ELK3: variants seen among roughly 807,000 people sequenced by gnomAD.
The protein encoded by ELK3 is ETS domain-containing protein Elk-3.
Under a neutral mutation model 28.9 loss-of-function variants are expected in ELK3, and 10 were observed. The observed-to-expected ratio is 0.35, with a 90% CI of 0.21 to 0.59. The LOEUF is 0.59. ELK3 is among the 20% of genes least tolerant of loss of function. The pLI is 0.82. For missense variants in ELK3, 463 were observed against 517.3 expected (o/e 0.90, Z 1.02); for synonymous variants, 272 against 243.5 (o/e 1.12, Z -1.09).
At chr12:96,225,507 T>C (rs759106729) in intron 2 of ELK3, among the ~76,000 whole-genome samples, 1 of 152,246 alleles carries the variant, frequency 6.6e-6, no homozygotes, top group Non-Finnish European at 1.5e-5. Flanking sequence ...TCTGGCACTT[T>C]CTGTCAGACG....
chr12:96,227,176 C>T (rs902445961), intron 2 of ELK3, among the ~76,000 whole-genome samples: 1 of 152,014 alleles, frequency 6.6e-6, no homozygotes, highest in Non-Finnish European at 1.5e-5. Context: ...CTGCCCTGAA[C>T]CGCGTGCGTT....
intron 3 of ELK3, among the ~76,000 whole-genome samples, chr12:96,251,855 C>G (rs1951909655): frequency 6.6e-6 from 1 of 152,216 alleles, no homozygotes; most frequent in Non-Finnish European, 1.5e-5. Context: ...CATAAAAGTG[C>G]AAGGTGAAGC....
intron 3 of ELK3, 128 bp from the exon 4 acceptor site, chr12:96,259,603 T>C (rs1335811884): frequency 1.9e-6 from 2 of 1,073,550 alleles, no homozygotes; most frequent in Non-Finnish European, 2.6e-6. Flanking sequence ...ACGTTGCCAG[T>C]TTTCCTGAGA....
intron 1 of ELK3, among the ~76,000 whole-genome samples, chr12:96,199,480 CTGTGTGTG>C (rs10678770): frequency 5.5e-4 from 81 of 146,476 alleles, no homozygotes; most frequent in Middle Eastern, 3.4e-3. Context: ...ATAAAATTAG[CTGTGTGTG>C]TGTGTGTGTG....
chr12:96,197,666 A>G (rs903317347), intron 1 of ELK3, among the ~76,000 whole-genome samples: 1 of 152,230 alleles, frequency 6.6e-6, no homozygotes, highest in African/African-American at 2.4e-5. Context: ...ATCTTCATGC[A>G]CTTGGTACCA....
At position 96,219,465 on chromosome 12, in the gene ELK3, C is replaced by T. The variant is rs142996378; in HGVS notation, c.-2-4100C>T. ...GGGCAAAATTTCCAACTGGCAGAGGCGCAGTGGAATGTACAGTGTGATTGT... is the reference window on the plus strand; with the variant it reads ...GGGCAAAATTTCCAACTGGCAGAGGTGCAGTGGAATGTACAGTGTGATTGT... On this transcript the variant is annotated intron_variant, in intron 1 of 4. Coordinates refer to ENST00000228741, the MANE Select transcript of ELK3 (RefSeq NM_005230.4). Among the ~76,000 whole-genome samples, 575 of 152,212 alleles carry T rather than the reference C, an allele frequency of 3.8e-3. 5 individuals carry two copies. The highest frequency in any genetic ancestry group is 4.5e-3 in the Non-Finnish European group (305 of 68,014).
intron 1 of ELK3, among the ~76,000 whole-genome samples, chr12:96,211,960 A>T (rs181246994): frequency 6.6e-6 from 1 of 152,366 alleles, no homozygotes; most frequent in East Asian, 1.9e-4. Context: ...GAATCTGCTT[A>T]GTATTTTTTC....
intron 2 of ELK3, among the ~76,000 whole-genome samples, chr12:96,238,032 G>C (rs948046549): frequency 6.6e-6 from 1 of 152,162 alleles, no homozygotes; most frequent in African/African-American, 2.4e-5. Flanking sequence ...TGGGAGCCTC[G>C]GGTCTCACAT....
At chr12:96,255,920 T>G (rs948511394) in intron 3 of ELK3, among the ~76,000 whole-genome samples, 2 of 152,162 alleles carry the variant, frequency 1.3e-5, no homozygotes, top group African/African-American at 2.4e-5. Context: ...CCTAGACCCC[T>G]AGGTAGGAAT....
chr12:96,241,274 A>AAGGT (rs1951818958), intron 2 of ELK3, among the ~76,000 whole-genome samples: 1 of 152,188 alleles, frequency 6.6e-6, no homozygotes, highest in Non-Finnish European at 1.5e-5. Flanking sequence ...CATCATCAAG[A>AAGGT]AGGTAAATCT....
At chr12:96,216,936 A>G (rs1592674297) in intron 1 of ELK3, among the ~76,000 whole-genome samples, 1 of 152,330 alleles carries the variant, frequency 6.6e-6, no homozygotes, top group South Asian at 2.1e-4. Flanking sequence ...AAAGTGCTTC[A>G]CTAGCACCTG....
At chr12:96,210,565 GCACACACACACACACA>G (rs56257302) in intron 1 of ELK3, among the ~76,000 whole-genome samples, 1 of 146,326 alleles carries the variant, frequency 6.8e-6, no homozygotes, top group Non-Finnish European at 1.5e-5. Context: ...GCGGGCGCAC[GCACACACACACACACA>G]CACACACACA....
chr12:96,248,375 C>T (rs968711542), intron 3 of ELK3, among the ~76,000 whole-genome samples: 7 of 152,206 alleles, frequency 4.6e-5, no homozygotes, highest in African/African-American at 1.7e-4. Flanking sequence ...GCAGCCTTTT[C>T]CTTTAAATCA....
At chr12:96,255,319 G>C (rs1356659922) in intron 3 of ELK3, 1 of 152,408 alleles carries the variant, frequency 6.6e-6, no homozygotes, top group South Asian at 2.1e-4. Context: ...AGCTGCATCT[G>C]GAGAGCGGAG....
chr12:96,218,019 A>G (rs1000451586), intron 1 of ELK3, among the ~76,000 whole-genome samples: 4 of 152,004 alleles, frequency 2.6e-5, no homozygotes, highest in African/African-American at 9.7e-5. Context: ...GGAGGTATGC[A>G]TATGATTCAC....
Position 96,247,587 on chromosome 12 carries a change from A to G in ELK3, c.855A>G (p.Pro285=). ...NLSSGSKTKS[P]SLPPKAKKPK... ...CATCGGGCTCCAAGACCAAGTCTCC[A>G]TCTCTTCCCCCAAAGGCCAAAAAAC... The change falls in exon 3 of 5, where the codon CCA becomes CCG. Residue 285 remains proline, a synonymous_variant. Coordinates refer to ENST00000228741, the MANE Select transcript of ELK3 (RefSeq NM_005230.4). This position sits in a 1 kb window ranked among gnomAD's most constrained non-coding sequence, Gnocchi z 5.5. 2 of 1,613,644 alleles carry G rather than the reference A, an allele frequency of 1.2e-6. No individual in the cohort carries two copies. The highest frequency in any genetic ancestry group is 1.7e-5 in the Admixed American group (1 of 60,000).
chr12:96,257,351 A>G (rs1951958307), intron 3 of ELK3, among the ~76,000 whole-genome samples: 1 of 152,252 alleles, frequency 6.6e-6, no homozygotes, highest in Non-Finnish European at 1.5e-5. Context: ...ATTTGCATAT[A>G]TTATAGAAGA....
chr12:96,229,464 T>C (rs1220337501), intron 2 of ELK3, among the ~76,000 whole-genome samples: 2 of 150,722 alleles, frequency 1.3e-5, no homozygotes, highest in Non-Finnish European at 3.0e-5. Context: ...GCAGCCTCAC[T>C]CGGATCGCTG....
At chr12:96,256,102 A>G (rs558977650) in intron 3 of ELK3, among the ~76,000 whole-genome samples, 15 of 152,166 alleles carry the variant, frequency 9.9e-5, no homozygotes, top group Non-Finnish European at 1.8e-4. Context: ...GCGATGGGGT[A>G]CAGAATAGAT....
Sources: allele counts gnomAD v4.1 joint callset (sites outside exome capture counted in the v4.1 genomes callset), GRCh38; gene constraint gnomAD v4.1.1; non-coding constraint Gnocchi (gnomAD v3.1); transcripts MANE v1.5; gene names NCBI Gene and HGNC (gene_info 2026-07-23, HGNC 2026-07-21).